CDAN1: variants seen among roughly 807,000 people sequenced by gnomAD.
CDAN1 encodes the protein codanin 1, also known as codanin-1.
Under a neutral mutation model 139.8 loss-of-function variants are expected in CDAN1, and 107 were observed. The ratio of observed to expected loss-of-function variants is 0.77; its 90% confidence interval spans 0.65 to 0.90. The LOEUF (loss-of-function observed/expected upper bound fraction) is 0.90, where lower values mean the gene tolerates loss of function less well. Ranked by LOEUF, CDAN1 falls within the 40% of genes least tolerant of loss-of-function variation. The pLI is 0.00. For missense variants in CDAN1, 1,667 were observed against 1,575.7 expected (o/e 1.06, Z -0.98); for synonymous variants, 776 against 660.6 (o/e 1.17, Z -2.68).
In CDAN1 at chr15:42,736,640, GC is replaced by G; in HGVS notation, c.230del (p.Gly77AlafsTer105). Reference protein sequence around the residue: ...QGPPTPAKTPGASAALPGRPG... With the variant: ...QGPPTPAKTPXASAALPGRPG... The stretch of plus-strand genomic sequence containing the variant: ...GCCTCCCTGGCAAGGCTGCCGAGGC[GC>G]CCGGGGTCTTGGCGGGGGTCGGGGG... On this transcript the variant is annotated frameshift_variant, in exon 2 of 28. Coordinates refer to ENST00000356231, the MANE Select transcript of CDAN1 (RefSeq NM_138477.4). LOFTEE classifies it high-confidence loss of function. 1.1e-5 allele frequency: 17 copies of G among 1,521,332 alleles called. No individual in the cohort carries two copies. The highest frequency in any genetic ancestry group is 1.4e-5 in the Non-Finnish European group (16 of 1,134,954). 94.2% of individuals were successfully genotyped at this position (1,521,332 alleles called of 1,614,324 possible).
At chr15:42,727,122 C>T (rs1595851045) in intron 23 of CDAN1, 1 of 155,640 alleles carries the variant, frequency 6.4e-6, no homozygotes, top group East Asian at 1.9e-4. Context: ...ACTCACAAAA[C>T]AAGGGGCTGG....
intron 23 of CDAN1, 76 bp downstream of exon 23, chr15:42,727,545 T>C: frequency 7.5e-7 from 1 of 1,335,946 alleles, no homozygotes; most frequent in Non-Finnish European, 1.0e-6. Flanking sequence ...CTGGAGCTGA[T>C]GTGAGAAAGG....
rs2061550580 is a variant in CDAN1, at chr15:42,727,745, G to A, written c.2972C>T (p.Ala991Val). Residue 991 changes from alanine (A) to valine (V), a missense_variant, in exon 23 of 28, where the codon GCA becomes GTA. By Grantham distance (64) the Ala-to-Val change is moderately conservative. Transcript: ENST00000356231. The part of the protein sequence containing the change: ...ITALIRREVK[A>V]AVSRTLRAQG... Reference sequence around the variant, plus strand: ...GGCTCGAAGTGTGCGACTCACTGCTGCTTTCACCTCCCTCCTGATCAGTGC... The same window carrying A: ...GGCTCGAAGTGTGCGACTCACTGCTACTTTCACCTCCCTCCTGATCAGTGC... 3.1e-6 allele frequency: 5 copies of A among 1,591,744 alleles called. No individual in the cohort carries two copies. The highest frequency in any genetic ancestry group is 4.3e-6 in the Non-Finnish European group (5 of 1,166,066).
At chr15:42,726,014 GCT>G (rs767157425) in intron 25 of CDAN1, 81 bp downstream of exon 25, 14 of 1,061,694 alleles carry the variant, frequency 1.3e-5, no homozygotes, top group African/African-American at 4.9e-5. Flanking sequence ...ACAGAAGAGG[GCT>G]CTGTTTCTAA....
chr15:42,736,117 C>A, intron 2 of CDAN1, 39 bp from the exon 3 acceptor site: 1 of 1,605,554 alleles, frequency 6.2e-7, no homozygotes, highest in Non-Finnish European at 8.5e-7. Flanking sequence ...AAATTCCTAT[C>A]TTCAAACATC....
rs774283302 is a variant in CDAN1 at position 42,737,073 on chromosome 15, T to C, written c.30A>G (p.Arg10=). 6.7e-7 allele frequency: 1 copy of C among 1,503,670 alleles called. No homozygotes were observed. The highest frequency in any genetic ancestry group is 1.2e-5 in the South Asian group (1 of 82,080). 93.1% of individuals were successfully genotyped at this position (1,503,670 alleles called of 1,614,324 possible). MAAVLESLL[R]EEVSVAAVVR... is the part of the protein sequence containing the mutation. ...CGACGGCTGCGACCGACACCTCTTC[T>C]CGCAGCAGCGACTCCAAAACGGCCG... The change falls in exon 1 of 28, where the codon CGA becomes CGG. Residue 10 remains arginine, a synonymous_variant. Coordinates refer to ENST00000356231, the MANE Select transcript of CDAN1 (RefSeq NM_138477.4).
At position 42,727,678 on chromosome 15, in the gene CDAN1, G is replaced by A. The variant is rs1307117117; in HGVS notation, c.3039C>T (p.Cys1013=). Residue 1013 remains cysteine, a synonymous_variant, in exon 23 of 28, where the codon TGC becomes TGT. Transcript: ENST00000356231. ...EPAARGERRG[C]SRACEHHAPL... ...GAGCATGGTGCTCACAGGCGCGGGA[G>A]CAGCCCCTCCGCTCCCCCCGGGCAG... 1.3e-6 allele frequency: 2 copies of A among 1,589,830 alleles called. No homozygotes were observed. The highest frequency in any genetic ancestry group is 1.3e-5 in the African/African-American group (1 of 74,338).
rs561641913 is a variant in CDAN1, at chr15:42,726,212, T to G, written c.3205-52A>C. 225 of 1,608,076 alleles carry G rather than the reference T, an allele frequency of 1.4e-4. 1 individual carries two copies. The South Asian group carries it at 2.1e-3, about 15-fold the overall frequency. The stretch of plus-strand genomic sequence containing the variant: ...AGACCATAGGTATCACCATGCTTAC[T>G]GCTGCGAGAACTGGCCCTGAGCCAG... On this transcript the variant is annotated intron_variant, in intron 24 of 27. Transcript: ENST00000356231.
rs2061572855 is a variant in CDAN1 at position 42,729,100 on chromosome 15, G to T, written c.2568C>A (p.His856Gln). Residue 856 changes from histidine (H) to glutamine (Q), a missense_variant, in exon 19 of 28, where the codon CAC (histidine) becomes CAA (glutamine). Coordinates refer to ENST00000356231, the MANE Select transcript of CDAN1 (RefSeq NM_138477.4). ...TCCGGCGCAAGGAGGGCGGCTGGTT[G>T]TGGAAAAAGGCCTGGGCGAGCTGTG... is the stretch of plus-strand genomic sequence containing the variant. ...LQAQLAQAFF[H>Q]NQPPSLRRTV... 6.2e-7 allele frequency: 1 copy of T among 1,614,224 alleles called. No homozygotes were observed. The highest frequency in any genetic ancestry group is 8.5e-7 in the Non-Finnish European group (1 of 1,180,044).
chr15:42,734,613 T>C (rs892489249), intron 6 of CDAN1, among the ~76,000 whole-genome samples: 1 of 151,988 alleles, frequency 6.6e-6, no homozygotes, highest in East Asian at 1.9e-4. Flanking sequence ...CCATTTCTTT[T>C]TCTTTTTTTT....
In CDAN1 at chr15:42,736,772, AGCGTTATCCTAGG is replaced by A; in HGVS notation, c.91-5_98del. 1 of 1,543,696 alleles carries A rather than the reference AGCGTTATCCTAGG, an allele frequency of 6.5e-7. No homozygotes were observed. Among genetic ancestry groups the A allele is most frequent in the Non-Finnish European group, 8.7e-7 (1 of 1,151,190 alleles). ...GTGAGCTCAGCGCGGCCGCCTCCCC[AGCGTTATCCTAGG>A]GCAGAAGCACAGGTGGAGGGGCGAG... On this transcript the variant is annotated splice_acceptor_variant and splice_polypyrimidine_tract_variant and coding_sequence_variant and intron_variant, in exon 2 of 28. Coordinates refer to ENST00000356231, the MANE Select transcript of CDAN1 (RefSeq NM_138477.4). LOFTEE classifies it high-confidence loss of function.
chr15:42,734,478 T>C, intron 6 of CDAN1, 132 bp from the exon 7 acceptor site: 1 of 1,093,290 alleles, frequency 9.1e-7, no homozygotes, highest in Non-Finnish European at 1.4e-6. Context: ...TGCAAGGTCA[T>C]GGGCCAAGGA....
At position 42,736,327 on chromosome 15, in the gene CDAN1, C is replaced by T; in HGVS notation, c.544G>A (p.Gly182Ser). The part of the protein sequence containing the change: ...LSNLEEFPPV[G>S]SVPPGPTGTK... The stretch of plus-strand genomic sequence containing the variant: ...CCTGTAGGGCCGGGGGGAACCGAGC[C>T]TACGGGAGGGAACTCCTCCAGGTTG... The change falls in exon 2 of 28, where the codon GGC (glycine) becomes AGC (serine). Residue 182 changes from glycine (G) to serine (S), a missense_variant. Around this residue, in one of 3 missense-constraint regions of CDAN1, gnomAD observed 487 missense variants for 422.2 expected, o/e 1.15. Transcript: ENST00000356231. 1 of 1,613,906 alleles carries T rather than the reference C, an allele frequency of 6.2e-7. No homozygotes were observed. Among genetic ancestry groups the T allele is most frequent in the Non-Finnish European group, 8.5e-7 (1 of 1,179,978 alleles).
chr15:42,731,111 G>A (rs1289448267), intron 12 of CDAN1, 40 bp from the exon 13 acceptor site: 4 of 1,614,194 alleles, frequency 2.5e-6, no homozygotes, highest in Non-Finnish European at 3.4e-6. Flanking sequence ...CAAGCATGAG[G>A]CTTCCAGAAC....
Position 42,727,534 on chromosome 15 carries a change from C to T in CDAN1, c.3096+87G>A, listed in dbSNP as rs1176116708. 8 of 1,272,996 alleles carry T rather than the reference C, an allele frequency of 6.3e-6. No individual in the cohort carries two copies. The Admixed American group carries it at 8.5e-5, about 14-fold the overall frequency. The allele number at this position is 1,272,996 out of a possible 1,614,324, so 78.9% of individuals were successfully genotyped here. A position where few individuals can be genotyped will look rare whatever the true frequency, so the allele number is the denominator to read the frequency against. On this transcript the variant is annotated intron_variant, in intron 23 of 27. Coordinates refer to ENST00000356231, the MANE Select transcript of CDAN1 (RefSeq NM_138477.4). Reference sequence around the variant, plus strand: ...GCACAGACAGCTTCTACATAAAAATCCTGGAGCTGATGTGAGAAAGGAAAA... The same window carrying T: ...GCACAGACAGCTTCTACATAAAAATTCTGGAGCTGATGTGAGAAAGGAAAA...
intron 9 of CDAN1, 89 bp from the exon 10 acceptor site, chr15:42,732,497 G>T: frequency 8.0e-7 from 1 of 1,252,800 alleles, no homozygotes; most frequent in Non-Finnish European, 1.2e-6. Context: ...GGACTTCCCA[G>T]CCGTTTACCA....
chr15:42,735,584 G>C lies in CDAN1; in HGVS notation c.869C>G (p.Pro290Arg). The change falls in exon 4 of 28, where the codon CCT (proline) becomes CGT (arginine). Residue 290 changes from proline (P) to arginine (R), a missense_variant. Pro to Arg is a moderately radical substitution (Grantham distance 103, BLOSUM62 -2). This residue lies in a region of CDAN1 where 487 missense variants were observed against 422.2 expected (regional missense o/e 1.15). Coordinates refer to ENST00000356231, the MANE Select transcript of CDAN1 (RefSeq NM_138477.4). ...PSRTGSLTDE[P>R]ADPARVSSRQ... is the part of the protein sequence containing the mutation. ...GGAAGACACTCTGGCAGGGTCTGCA[G>C]GTTCATCTGTGAGGCTTCCTGTCCG... The C allele has an allele frequency of 6.2e-7, 1 of 1,614,216 alleles. No homozygotes were observed. The highest frequency in any genetic ancestry group is 1.6e-4 in the Middle Eastern group (1 of 6,062).
chr15:42,729,936 C>T (rs762657157), intron 15 of CDAN1, 51 bp from the exon 16 acceptor site: 1 of 1,388,314 alleles, frequency 7.2e-7, no homozygotes, highest in South Asian at 1.2e-5. Flanking sequence ...CCACCCAACC[C>T]ACCCCACCTC....
In CDAN1 at chr15:42,736,596, C is replaced by G. The variant is rs1342704334; in HGVS notation, c.275G>C (p.Gly92Ala). The G allele has an allele frequency of 6.7e-7, 1 of 1,500,122 alleles. No homozygotes were observed. The highest frequency in any genetic ancestry group is 8.9e-7 in the Non-Finnish European group (1 of 1,126,728). 92.9% of individuals were successfully genotyped at this position (1,500,122 alleles called of 1,614,324 possible). Residue 92 changes from glycine to alanine, a missense_variant, in exon 2 of 28, where the codon GGT becomes GCT. Coordinates refer to ENST00000356231, the MANE Select transcript of CDAN1 (RefSeq NM_138477.4). The stretch of plus-strand genomic sequence containing the variant: ...AAGCTGGCTGCGCGCCCCGCGGCTA[C>G]CCCGCGGCGGGCCTCCCGGCCTCCC... ...LPGRPGGPPR[G>A]SRGARSQLFP...
Sources: gnomAD v4.1 joint callset for allele counts (sites outside exome capture counted in the v4.1 genomes callset) on GRCh38, gnomAD v4.1.1 for gene constraint, gnomAD v4.1.1 regional missense constraint, MANE v1.5 for transcripts, NCBI Gene and HGNC (gene_info 2026-07-23, HGNC 2026-07-21) for gene names.